Variants in FXYD4 observed in about 807,000 individuals in gnomAD.
The protein encoded by FXYD4 is FXYD domain containing ion transport regulator 4.
Under a neutral mutation model 18.3 loss-of-function variants are expected in FXYD4, and 14 were observed. The observed-to-expected ratio is 0.77, with a 90% confidence interval of 0.51 to 1.20. FXYD4 has a LOEUF of 1.20. Ranked by LOEUF, FXYD4 falls within the 50% of genes most tolerant of loss-of-function variation. The pLI is 0.00. For synonymous variants in FXYD4, 40 were observed against 40.5 expected, an observed-to-expected ratio of 0.99 and a Z score of 0.04; for missense variants, 99 against 106.1, an observed-to-expected ratio of 0.93 and a Z score of 0.29.
At chr10:43,372,927 GC>G (rs1423699812) in intron 2 of FXYD4, among the ~76,000 whole-genome samples, 155 bp downstream of exon 2, 1 of 152,122 alleles carries the variant, frequency 6.6e-6, no homozygotes, top group Non-Finnish European at 1.5e-5. Context: ...CTGGGAGGGG[GC>G]CTGCGCTCAA....
Position 43,375,385 on chromosome 10 carries a change from G to T in FXYD4, c.98-114G>T, listed in dbSNP as rs997666876. Reference sequence around the variant, plus strand: ...ACGCAGAATGATGCCTCTGTTGCTGGCTTGTCTTTATGTATATGGCAGCGG... The same window carrying T: ...ACGCAGAATGATGCCTCTGTTGCTGTCTTGTCTTTATGTATATGGCAGCGG... On this transcript the variant is annotated intron_variant, in intron 5 of 8. Coordinates refer to ENST00000476166, the MANE Select transcript of FXYD4 (RefSeq NM_173160.3). 1.2e-5 allele frequency: 9 copies of T among 766,564 alleles called. No individual in the cohort carries two copies. The Admixed American group carries it at 1.9e-4, about 16-fold the overall frequency. 47.5% of individuals were successfully genotyped at this position (766,564 alleles called of 1,614,324 possible). A position where few individuals can be genotyped will look rare whatever the true frequency, so the allele number is the denominator to read the frequency against.
chr10:43,373,684 C>T lies in FXYD4; in HGVS notation c.-63C>T, dbSNP rs1022173152. On this transcript the variant is annotated 5_prime_UTR_variant, in exon 3 of 9. Transcript: ENST00000476166. ...TTGAGCTGTGAGCCTGGAGCAGATC[C>T]GTGGGCTGCAGACCCCCGCCCCAGT... 2.1e-5 allele frequency: 20 copies of T among 938,968 alleles called. No homozygotes were observed. Among genetic ancestry groups the T allele is most frequent in the Middle Eastern group, 2.1e-4 (1 of 4,800 alleles). 58.2% of individuals were successfully genotyped at this position (938,968 alleles called of 1,614,324 possible).
chr10:43,375,550 T>C lies in FXYD4; in HGVS notation c.149T>C (p.Ile50Thr). 6.2e-7 allele frequency: 1 copy of C among 1,613,930 alleles called. No homozygotes were observed. Among genetic ancestry groups the C allele is most frequent in the African/African-American group, 1.3e-5 (1 of 75,010 alleles). Reference protein sequence around the residue: ...SGLICGGLLAIAGIAAVLSGK... With the variant: ...SGLICGGLLATAGIAAVLSGK... ...CTGATCTGCGGAGGGCTCCTGGCCA[T>C]TGCTGGGATCGCGGCAGTTCTGAGT... is the stretch of plus-strand genomic sequence containing the variant. The change falls in exon 6 of 9, where the codon ATT becomes ACT. Residue 50 changes from isoleucine (I) to threonine (T), a missense_variant. Ile to Thr is a moderately conservative substitution (Grantham distance 89, BLOSUM62 -1). Coordinates refer to ENST00000476166, the MANE Select transcript of FXYD4 (RefSeq NM_173160.3).
rs576534588 is a variant in FXYD4 at position 43,376,228 on chromosome 10, C to T, written c.*62C>T. On this transcript the variant is annotated 3_prime_UTR_variant, in exon 9 of 9. Coordinates refer to ENST00000476166, the MANE Select transcript of FXYD4 (RefSeq NM_173160.3). ...ACACTGGCCCCCAGCACCTCCTCCC[C>T]TGGGAGGCCTTATCCTCAAGGAAGG... 31 of 1,559,418 alleles carry T rather than the reference C, an allele frequency of 2.0e-5. 1 individual carries two copies. The South Asian group carries it at 2.7e-4, about 13-fold the overall frequency.
chr10:43,374,356 G>T (rs973875115), intron 3 of FXYD4, 114 bp from the exon 4 acceptor site: 54 of 969,486 alleles, frequency 5.6e-5, no homozygotes, highest in Non-Finnish European at 8.9e-5. Flanking sequence ...GTGAGGAAGG[G>T]AACTGGTGGC....
intron 5 of FXYD4, 49 bp from the exon 6 acceptor site, chr10:43,375,450 T>C: frequency 7.0e-7 from 1 of 1,428,714 alleles, no homozygotes; most frequent in South Asian, 1.1e-5. Flanking sequence ...TTTGAATGAA[T>C]GACTGAGGCC....
chr10:43,375,788 A>G (rs1837864345), intron 7 of FXYD4, 54 bp downstream of exon 7: 2 of 1,564,558 alleles, frequency 1.3e-6, no homozygotes, highest in African/African-American at 1.4e-5. Flanking sequence ...ACGGGGGGAC[A>G]GTCCTGACCT....
At position 43,373,767 on chromosome 10, in the gene FXYD4, C is replaced by T. The variant is rs780073721; in HGVS notation, c.21C>T (p.Ala7=). Reference sequence around the variant, plus strand: ...GTGACATGGAGAGAGTGACCCTGGCCCTTCTCCTACTGGCAGGTGAGTCCT... The same window carrying T: ...GTGACATGGAGAGAGTGACCCTGGCTCTTCTCCTACTGGCAGGTGAGTCCT... MERVTL[A]LLLLAGLTAL... Residue 7 remains alanine, a synonymous_variant, in exon 3 of 9, where the codon GCC becomes GCT. Coordinates refer to ENST00000476166, the MANE Select transcript of FXYD4 (RefSeq NM_173160.3). 6.2e-7 allele frequency: 1 copy of T among 1,609,926 alleles called. No individual in the cohort carries two copies. Among genetic ancestry groups the T allele is most frequent in the South Asian group, 1.1e-5 (1 of 90,996 alleles).
chr10:43,375,402 T>C (rs958542566), intron 5 of FXYD4, 97 bp from the exon 6 acceptor site: 1 of 866,206 alleles, frequency 1.2e-6, no homozygotes, highest in South Asian at 1.4e-5. Flanking sequence ...TTTATGTATA[T>C]GGCAGCGGCT....
Position 43,376,331 on chromosome 10 carries a change from C to G in FXYD4, c.*165C>G. ...TATGAATTAAACTCGCCCCACCACC[C>G]CCTCCTCGGTAGTCTTGTGATCCAT... is the stretch of plus-strand genomic sequence containing the variant. On this transcript the variant is annotated 3_prime_UTR_variant, in exon 9 of 9. Coordinates refer to ENST00000476166, the MANE Select transcript of FXYD4 (RefSeq NM_173160.3). The G allele has an allele frequency of 1.5e-6, 1 of 686,848 alleles. No individual in the cohort carries two copies. The highest frequency in any genetic ancestry group is 2.2e-5 in the Admixed American group (1 of 44,690). 42.5% of individuals were successfully genotyped at this position (686,848 alleles called of 1,614,324 possible).
Position 43,373,774 on chromosome 10 carries a change from C to T in FXYD4, c.28C>T (p.Leu10=). The T allele has an allele frequency of 6.2e-7, 1 of 1,609,244 alleles. No individual in the cohort carries two copies. The highest frequency in any genetic ancestry group is 8.5e-7 in the Non-Finnish European group (1 of 1,175,570). The part of the protein sequence containing the change: MERVTLALL[L]LAGLTALEAN... The stretch of plus-strand genomic sequence containing the variant: ...GGAGAGAGTGACCCTGGCCCTTCTC[C>T]TACTGGCAGGTGAGTCCTCCCAGTC... The change falls in exon 3 of 9, where the codon CTA becomes TTA. Residue 10 remains leucine, a synonymous_variant. Coordinates refer to ENST00000476166, the MANE Select transcript of FXYD4 (RefSeq NM_173160.3).
intron 5 of FXYD4, 129 bp from the exon 6 acceptor site, chr10:43,375,370 A>G (rs113938196): frequency 1.5e-4 from 107 of 699,832 alleles, no homozygotes; most frequent in African/African-American, 1.3e-3. Context: ...ACGCAGAATG[A>G]TGCCTCTGTT....
Position 43,375,692 on chromosome 10 carries a change from C to G in FXYD4, c.173-3C>G. ...CTGGCGCTGACCCCTCTCTCTCTCC[C>G]AGGTGGCAAATGCAAATGCAAGAGC... On this transcript the variant is annotated splice_polypyrimidine_tract_variant and splice_region_variant and intron_variant, in intron 6 of 8. Transcript: ENST00000476166. 6.2e-7 allele frequency: 1 copy of G among 1,614,136 alleles called. No homozygotes were observed. Among genetic ancestry groups the G allele is most frequent in the Non-Finnish European group, 8.5e-7 (1 of 1,179,998 alleles).
intron 3 of FXYD4, 81 bp from the exon 4 acceptor site, chr10:43,374,389 C>T (rs985304596): frequency 2.7e-5 from 37 of 1,388,980 alleles, no homozygotes; most frequent in South Asian, 2.3e-4. Context: ...CCACAACCTC[C>T]GGGCTGGGGT....
chr10:43,374,967 A>G (rs1837851117), intron 5 of FXYD4, among the ~76,000 whole-genome samples: 1 of 150,488 alleles, frequency 6.6e-6, no homozygotes, highest in African/African-American at 2.4e-5. Context: ...CCTCAGCTCC[A>G]GGACAGCTTT....
intron 5 of FXYD4, 124 bp downstream of exon 5, chr10:43,374,763 C>G: frequency 2.4e-6 from 2 of 834,446 alleles, no homozygotes; most frequent in South Asian, 1.4e-5. Flanking sequence ...TAAACCTGGT[C>G]TCTGTGAGAG....
chr10:43,375,591 T>C lies in FXYD4; in HGVS notation c.172+18T>C. The C allele has an allele frequency of 5.6e-6, 9 of 1,610,560 alleles. No individual in the cohort carries two copies. Among genetic ancestry groups the C allele is most frequent in the Non-Finnish European group, 7.6e-6 (9 of 1,177,612 alleles). ...AGTTCTGAGTGAGTGGCAGGACAGG[T>C]GGGGCTGGAGGACAGGGTGGGGCTG... On this transcript the variant is annotated intron_variant, in intron 6 of 8. Coordinates refer to ENST00000476166, the MANE Select transcript of FXYD4 (RefSeq NM_173160.3).
Position 43,374,514 on chromosome 10 carries a change from C to G in FXYD4, c.70+12C>G. The stretch of plus-strand genomic sequence containing the variant: ...CAATGACCCATTTGGTGAGTGAGGC[C>G]CCCAAACAGCCTGCCCACTCTGCCC... On this transcript the variant is annotated intron_variant, in intron 4 of 8. Transcript: ENST00000476166. 1 of 1,613,892 alleles carries G rather than the reference C, an allele frequency of 6.2e-7. No homozygotes were observed. Among genetic ancestry groups the G allele is most frequent in the Non-Finnish European group, 8.5e-7 (1 of 1,179,790 alleles).
chr10:43,376,233 A>G lies in FXYD4; in HGVS notation c.*67A>G. ...GGCCCCCAGCACCTCCTCCCCTGGG[A>G]GGCCTTATCCTCAAGGAAGGACTTC... On this transcript the variant is annotated 3_prime_UTR_variant, in exon 9 of 9. Coordinates refer to ENST00000476166, the MANE Select transcript of FXYD4 (RefSeq NM_173160.3). The G allele has an allele frequency of 1.3e-6, 2 of 1,567,230 alleles. No homozygotes were observed. The highest frequency in any genetic ancestry group is 2.2e-5 in the South Asian group (2 of 90,002).
Sources: gnomAD v4.1 joint callset for allele counts (sites outside exome capture counted in the v4.1 genomes callset) on GRCh38, gnomAD v4.1.1 for gene constraint, MANE v1.5 for transcripts, NCBI Gene and HGNC (gene_info 2026-07-23, HGNC 2026-07-21) for gene names.